Variants in FGFR1 observed in about 807,000 individuals in gnomAD.
The protein encoded by FGFR1 is fibroblast growth factor receptor 1.
A neutral mutation model predicts 93.7 loss-of-function variants in FGFR1; 18 were observed. The observed-to-expected ratio is 0.19, with a 90% CI of 0.13 to 0.28. The LOEUF (loss-of-function observed/expected upper bound fraction) is 0.28, where lower values mean the gene tolerates loss of function less well. FGFR1 is among the 10% of genes least tolerant of loss of function. FGFR1 has a pLI of 1.00. For missense variants in FGFR1, 731 were observed against 1,080.4 expected (o/e 0.68, Z 4.53); for synonymous variants, 448 against 429.3 (o/e 1.04, Z -0.54).
At position 38,451,253 on chromosome 8, in the gene FGFR1, G is replaced by A. The variant is rs886235244; in HGVS notation, c.91+6103C>T. Among the ~76,000 whole-genome samples, 42 of 151,974 alleles carry A rather than the reference G, an allele frequency of 2.8e-4. 1 individual carries two copies. The highest frequency in any genetic ancestry group is 8.9e-4 in the African/African-American group (37 of 41,376). ...AGAAATCATGCTGGAGATGGGGTGG[G>A]AGTAGGGGAGGGTCTTGCCTGTGTC... On this transcript the variant is annotated intron_variant, in intron 2 of 17. Coordinates refer to ENST00000447712, the MANE Select transcript of FGFR1 (RefSeq NM_023110.3).
intron 1 of FGFR1, chr8:38,465,651 C>T: frequency 4.5e-6 from 1 of 224,168 alleles, no homozygotes; most frequent in Non-Finnish European, 8.9e-6. Context: ...GGCTGCTGAA[C>T]CTCGGTCACC....
At chr8:38,457,290 C>G (rs2151337451) in intron 2 of FGFR1, 66 bp downstream of exon 2, 1 of 1,567,410 alleles carries the variant, frequency 6.4e-7, no homozygotes, top group Non-Finnish European at 8.7e-7. Context: ...AACCATATCA[C>G]CTCCCTCCCA....
At chr8:38,458,125 T>C (rs1014405539) in intron 1 of FGFR1, among the ~76,000 whole-genome samples, 1 of 152,230 alleles carries the variant, frequency 6.6e-6, no homozygotes, top group Non-Finnish European at 1.5e-5. Context: ...TAGTATGTGC[T>C]ACAAAGTGAA....
chr8:38,448,850 G>A (rs1830208233), intron 2 of FGFR1, among the ~76,000 whole-genome samples: 1 of 152,212 alleles, frequency 6.6e-6, no homozygotes, highest in African/African-American at 2.4e-5. Flanking sequence ...AGCTTCTCGG[G>A]AGGGTGAGGC....
intron 2 of FGFR1, chr8:38,434,591 C>A: frequency 7.9e-6 from 2 of 251,780 alleles, no homozygotes; most frequent in East Asian, 8.8e-5. Context: ...AAACTGGTCC[C>A]TTCACTTAGA....
rs1815291668 is a variant in FGFR1 at position 38,413,884 on chromosome 8, G to T, written c.2292+34C>A. On this transcript the variant is annotated intron_variant, in intron 17 of 17. Transcript: ENST00000447712. The surrounding 1 kb of genome is among the most constrained non-coding windows in gnomAD (Gnocchi z 4.2). The stretch of plus-strand genomic sequence containing the variant: ...GAGGTGCGTGCACGCAGTGGGGACG[G>T]CCTGAGCTCTGGCTCTGGCACGGGC... The T allele has an allele frequency of 6.2e-7, 1 of 1,613,162 alleles. No homozygotes were observed. The highest frequency in any genetic ancestry group is 1.3e-5 in the African/African-American group (1 of 74,876).
intron 2 of FGFR1, among the ~76,000 whole-genome samples, chr8:38,438,088 A>T (rs1826043091): frequency 6.6e-6 from 1 of 152,222 alleles, no homozygotes; most frequent in South Asian, 2.1e-4. Context: ...TAGGCTGCAC[A>T]AAGCTTTTAA....
At chr8:38,464,377 C>G (rs1586811511) in intron 1 of FGFR1, among the ~76,000 whole-genome samples, 2 of 148,198 alleles carry the variant, frequency 1.3e-5, no homozygotes, top group African/African-American at 5.0e-5. Context: ...ATCTAGAAAA[C>G]CTTGCTCTTG....
At chr8:38,457,606 A>C in intron 1 of FGFR1, 72 bp from the exon 2 acceptor site, 2 of 1,456,624 alleles carry the variant, frequency 1.4e-6, no homozygotes, top group Non-Finnish European at 9.3e-7. Context: ...AACAGAAGGT[A>C]AAGTATGCCA....
At chr8:38,432,916 C>CA (rs1331955876) in intron 2 of FGFR1, among the ~76,000 whole-genome samples, 2 of 141,384 alleles carry the variant, frequency 1.4e-5, no homozygotes, top group Non-Finnish European at 1.6e-5. Flanking sequence ...GCGCCCCCCC[C>CA]CCTCCCCAGT....
intron 4 of FGFR1, 109 bp from the exon 5 acceptor site, chr8:38,428,202 C>T: frequency 1.3e-6 from 2 of 1,519,822 alleles, no homozygotes; most frequent in Non-Finnish European, 1.8e-6. Context: ...ATCTGCCCAA[C>T]ACCTGTGAGC....
chr8:38,440,224 A>T lies in FGFR1; in HGVS notation c.92-10276T>A, dbSNP rs529421015. ...GAAAGCAACTTAAAAGGAGCACAGA[A>T]CAGCGCAGCGGGGCTCCGGGGGCCC... On this transcript the variant is annotated intron_variant, in intron 2 of 17. Coordinates refer to ENST00000447712, the MANE Select transcript of FGFR1 (RefSeq NM_023110.3). 179 of 1,245,490 alleles carry T rather than the reference A, an allele frequency of 1.4e-4. 3 individuals carry two copies. Among genetic ancestry groups the T allele is most frequent in the Middle Eastern group, 9.9e-4 (5 of 5,076 alleles). The allele number at this position is 1,245,490 out of a possible 1,614,324, so 77.2% of individuals were successfully genotyped here.
chr8:38,430,050 G>C (rs117596666), intron 2 of FGFR1, 102 bp from the exon 3 acceptor site: 1 of 1,192,220 alleles, frequency 8.4e-7, no homozygotes, highest in African/African-American at 1.5e-5. Context: ...TGGCCACACG[G>C]AGCCGCACCA....
At chr8:38,467,428 G>A (rs1835797023) in intron 1 of FGFR1, among the ~76,000 whole-genome samples, 2 of 152,050 alleles carry the variant, frequency 1.3e-5, no homozygotes, top group South Asian at 2.1e-4. Flanking sequence ...CGCACCCCAG[G>A]CTTTCCCGGG....
intron 2 of FGFR1, among the ~76,000 whole-genome samples, chr8:38,452,823 A>T (rs1586699422): frequency 6.6e-6 from 1 of 152,090 alleles, no homozygotes; most frequent in South Asian, 2.1e-4. Flanking sequence ...AAATATACAA[A>T]AAAACTAGCT....
At chr8:38,427,419 C>T (rs1020729161) in intron 5 of FGFR1, among the ~76,000 whole-genome samples, 1 of 152,148 alleles carries the variant, frequency 6.6e-6, no homozygotes, top group African/African-American at 2.4e-5. Flanking sequence ...GCTGGGATTA[C>T]AGGAGCCTGC....
At chr8:38,414,389 G>T (rs1815538773) in intron 15 of FGFR1, 100 bp from the exon 16 acceptor site, 2 of 1,583,082 alleles carry the variant, frequency 1.3e-6, no homozygotes, top group South Asian at 1.1e-5. Context: ...ACAGCATGGA[G>T]AACAGATCAG....
intron 12 of FGFR1, among the ~76,000 whole-genome samples, chr8:38,416,650 T>C (rs575972533): frequency 7.2e-5 from 11 of 151,996 alleles, no homozygotes; most frequent in Middle Eastern, 3.4e-3. Flanking sequence ...GAGATGGGGT[T>C]TCACCTGTTG....
In FGFR1 at chr8:38,430,199, G is replaced by C. The variant is rs1822457128; in HGVS notation, c.92-251C>G. On this transcript the variant is annotated intron_variant, in intron 2 of 17. Transcript: ENST00000447712. ...CCTCCAAAAGTCAAAGGAAGAAAGA[G>C]GCAAAGTTAGGAAGCAGCTGTAGCA... is the stretch of plus-strand genomic sequence containing the variant. 1.4e-5 allele frequency: 8 copies of C among 555,408 alleles called. No homozygotes were observed. In the East Asian group the frequency reaches 2.3e-4, roughly 16 times the overall value. 34.4% of individuals were successfully genotyped at this position (555,408 alleles called of 1,614,324 possible). A position where few individuals can be genotyped will look rare whatever the true frequency, so the allele number is the denominator to read the frequency against.
Sources: gnomAD v4.1 joint callset for allele counts (sites outside exome capture counted in the v4.1 genomes callset) on GRCh38, gnomAD v4.1.1 for gene constraint, Gnocchi (gnomAD v3.1) non-coding constraint, MANE v1.5 for transcripts, NCBI Gene and HGNC (gene_info 2026-07-23, HGNC 2026-07-21) for gene names.